TMCC1: variants seen among roughly 807,000 people sequenced by gnomAD.
The protein encoded by TMCC1 is transmembrane and coiled-coil domains protein 1.
TMCC1 carries 15 observed loss-of-function variants against 52.4 expected under a neutral mutation model. That is an observed-to-expected ratio of 0.29 (90% CI 0.19 to 0.44). TMCC1 has a LOEUF of 0.44. Ranked by LOEUF, TMCC1 falls within the 20% of genes least tolerant of loss-of-function variation. The probability of loss-of-function intolerance (pLI) is 1.00; values close to 1 mark genes in which losing one functional copy is unlikely to be tolerated. For missense variants in TMCC1, 503 were observed against 806.0 expected (o/e 0.62, Z 4.55); for synonymous variants, 279 against 301.9 (o/e 0.92, Z 0.79).
At chr3:129,840,240 T>C (rs891825008) in intron 2 of TMCC1, among the ~76,000 whole-genome samples, 20 of 148,126 alleles carry the variant, frequency 1.4e-4, no homozygotes, top group Admixed American at 6.9e-4. Flanking sequence ...GGTGGGAGGA[T>C]TGATTGAACC....
intron 4 of TMCC1, among the ~76,000 whole-genome samples, chr3:129,758,017 G>C (rs2053170482): frequency 6.6e-6 from 1 of 152,122 alleles, no homozygotes; most frequent in Non-Finnish European, 1.5e-5. Context: ...TGTGAAAAAT[G>C]AATCTACCTT....
intron 4 of TMCC1, among the ~76,000 whole-genome samples, chr3:129,706,017 A>G (rs1447877603): frequency 6.6e-6 from 1 of 151,012 alleles, no homozygotes; most frequent in Non-Finnish European, 1.5e-5. Context: ...CAGCCTCCCA[A>G]GTAGCTGGGA....
At chr3:129,709,225 G>A (rs1010013448) in intron 4 of TMCC1, among the ~76,000 whole-genome samples, 10 of 152,096 alleles carry the variant, frequency 6.6e-5, no homozygotes, top group African/African-American at 2.4e-4. Context: ...CACTTTGGAA[G>A]GCTGAGGTGG....
chr3:129,771,047 C>A (rs2054536756), intron 4 of TMCC1, among the ~76,000 whole-genome samples: 1 of 152,142 alleles, frequency 6.6e-6, no homozygotes, highest in Non-Finnish European at 1.5e-5. Context: ...GCATCAAAAT[C>A]CCTGAATCCC....
At chr3:129,873,679 G>A (rs1221863725) in intron 2 of TMCC1, among the ~76,000 whole-genome samples, 2 of 152,114 alleles carry the variant, frequency 1.3e-5, no homozygotes, top group Admixed American at 6.5e-5. Flanking sequence ...GTGCCACCAT[G>A]TCTCTAAAAA....
At chr3:129,887,650 C>T (rs1012055184) in intron 1 of TMCC1, among the ~76,000 whole-genome samples, 3 of 151,210 alleles carry the variant, frequency 2.0e-5, no homozygotes, top group Non-Finnish European at 4.4e-5. Flanking sequence ...AAAAAGACCA[C>T]TCAAAAACAC....
At chr3:129,821,237 T>C (rs1002590459) in intron 4 of TMCC1, among the ~76,000 whole-genome samples, 9 of 151,772 alleles carry the variant, frequency 5.9e-5, no homozygotes, top group African/African-American at 2.2e-4. Context: ...TAGATGTAGA[T>C]GTGTACATGT....
Position 129,779,117 on chromosome 3 carries a change from CAG to C in TMCC1, c.576+48684_576+48685del, listed in dbSNP as rs1312083531. Among the ~76,000 whole-genome samples the C allele has an allele frequency of 1.4e-4, 21 of 152,146 alleles. No homozygotes were observed. The East Asian group carries it at 4.1e-3, about 29-fold the overall frequency. On this transcript the variant is annotated intron_variant, in intron 4 of 6. Transcript: ENST00000393238. Reference sequence around the variant, plus strand: ...ACATTCTCTATCATAATACAGTATACAGAGACTTCCTAGCAGCAGCAAATCAG... The same window carrying C: ...ACATTCTCTATCATAATACAGTATACAGACTTCCTAGCAGCAGCAAATCAG...
chr3:129,843,368 T>G (rs568589083), intron 2 of TMCC1, among the ~76,000 whole-genome samples: 14 of 150,184 alleles, frequency 9.3e-5, no homozygotes, highest in Admixed American at 9.3e-4. Flanking sequence ...AAGGAAAAAA[T>G]AATAAAAATT....
At chr3:129,854,542 C>T (rs1437368919) in intron 2 of TMCC1, among the ~76,000 whole-genome samples, 1 of 152,106 alleles carries the variant, frequency 6.6e-6, no homozygotes, top group East Asian at 1.9e-4. Flanking sequence ...CCTCTCTCTT[C>T]ACCTCAAACC....
chr3:129,869,826 C>T (rs1475794027), intron 2 of TMCC1, among the ~76,000 whole-genome samples: 2 of 152,150 alleles, frequency 1.3e-5, no homozygotes, highest in Admixed American at 6.5e-5. Context: ...AATTTTATGC[C>T]ATCTACATGC....
At chr3:129,874,998 C>T (rs944798496) in intron 2 of TMCC1, among the ~76,000 whole-genome samples, 11 of 152,046 alleles carry the variant, frequency 7.2e-5, no homozygotes, top group Non-Finnish European at 1.5e-4. Context: ...CTTAAGTTGT[C>T]GGAAAGGAAA....
At position 129,718,874 on chromosome 3, in the gene TMCC1, C is replaced by G. The variant is rs538037381; in HGVS notation, c.577-47610G>C. Among the ~76,000 whole-genome samples the G allele has an allele frequency of 4.6e-5, 7 of 152,144 alleles. No individual in the cohort carries two copies. The East Asian group carries it at 1.4e-3, about 29-fold the overall frequency. ...TTTATGTTATTGATAAGGCTCTGGT[C>G]AGCAATAGACTGTTAGTTAAGCTTT... On this transcript the variant is annotated intron_variant, in intron 4 of 6. Coordinates refer to ENST00000393238, the MANE Select transcript of TMCC1 (RefSeq NM_001017395.5).
chr3:129,829,865 T>C (rs1199912846), intron 3 of TMCC1, among the ~76,000 whole-genome samples: 2 of 152,212 alleles, frequency 1.3e-5, no homozygotes, highest in African/African-American at 2.4e-5. Flanking sequence ...TTGTTCCTGA[T>C]GACTACTCTC....
intron 4 of TMCC1, among the ~76,000 whole-genome samples, chr3:129,726,080 G>C (rs2050058419): frequency 6.6e-6 from 1 of 152,190 alleles, no homozygotes; most frequent in Admixed American, 6.5e-5. Context: ...TACAGGTACA[G>C]ACTTTGGGCC....
intron 2 of TMCC1, among the ~76,000 whole-genome samples, chr3:129,863,884 T>TA (rs201257398): frequency 2.7e-4 from 40 of 149,288 alleles, no homozygotes; most frequent in African/African-American, 9.6e-4. Context: ...AGAATAAGGC[T>TA]AAAAAAAAAG....
intron 3 of TMCC1, among the ~76,000 whole-genome samples, chr3:129,831,352 C>T (rs1430410796): frequency 2.0e-5 from 3 of 152,092 alleles, no homozygotes; most frequent in African/African-American, 7.2e-5. Flanking sequence ...TTCGCAGCTA[C>T]GAAGAATAAG....
chr3:129,795,772 T>C (rs1225106321), intron 4 of TMCC1, among the ~76,000 whole-genome samples: 3 of 152,254 alleles, frequency 2.0e-5, no homozygotes, highest in Non-Finnish European at 4.4e-5. Context: ...CATGCCATCC[T>C]ACCTGGGATG....
chr3:129,786,032 T>G (rs1220062936), intron 4 of TMCC1, among the ~76,000 whole-genome samples: 1 of 151,562 alleles, frequency 6.6e-6, no homozygotes, highest in Admixed American at 6.6e-5. Flanking sequence ...CCTTCTAGGT[T>G]CAAGTGATTC....
Sources: gnomAD v4.1 joint callset for allele counts (sites outside exome capture counted in the v4.1 genomes callset) on GRCh38, gnomAD v4.1.1 for gene constraint, MANE v1.5 for transcripts, NCBI Gene and HGNC (gene_info 2026-07-23, HGNC 2026-07-21) for gene names.